Variants in PRSS58 observed in about 807,000 individuals in gnomAD.
The protein encoded by PRSS58 is protease, serine 58.
PRSS58 carries 31 observed loss-of-function variants against 25.0 expected under a neutral mutation model. The observed-to-expected ratio is 1.24, with a 90% CI of 0.93 to 1.67. The LOEUF (loss-of-function observed/expected upper bound fraction) is 1.67, where lower values mean the gene tolerates loss of function less well. Among genes scored for constraint, PRSS58 ranks in the 40% most tolerant of loss-of-function variants. The pLI is 0.00. For synonymous variants in PRSS58, 119 were observed against 106.1 expected, an observed-to-expected ratio of 1.12 and a Z score of -0.75; for missense variants, 324 against 287.9, an observed-to-expected ratio of 1.13 and a Z score of -0.91.
Position 142,256,342 on chromosome 7 carries a change from A to C in PRSS58, c.41-669T>G, listed in dbSNP as rs1376629034. The stretch of plus-strand genomic sequence containing the variant: ...GGTGATTAGTGCTATGGAAAAACAC[A>C]CAAGTAAACTATATATGATGTTAAA... On this transcript the variant is annotated intron_variant, in intron 2 of 5. Coordinates refer to ENST00000547058, the MANE Select transcript of PRSS58 (RefSeq NM_001001317.5). Among the ~76,000 whole-genome samples the C allele has an allele frequency of 2.0e-5, 3 of 152,216 alleles. No individual in the cohort carries two copies. In the East Asian group the frequency reaches 5.8e-4, roughly 29 times the overall value.
chr7:142,254,128 G>T (rs1798514706), intron 4 of PRSS58, among the ~76,000 whole-genome samples: 2 of 152,046 alleles, frequency 1.3e-5, no homozygotes, highest in South Asian at 4.1e-4. Flanking sequence ...AGTGTATGAT[G>T]TATATTATAT....
intron 4 of PRSS58, 61 bp from the exon 5 acceptor site, chr7:142,252,672 TA>T: frequency 6.6e-7 from 1 of 1,525,636 alleles, no homozygotes; most frequent in Non-Finnish European, 8.8e-7. Context: ...AAACTTCTTT[TA>T]AAAAACTTTT....
chr7:142,254,945 G>C, intron 4 of PRSS58, 110 bp downstream of exon 4: 1 of 1,098,424 alleles, frequency 9.1e-7, no homozygotes, highest in South Asian at 1.4e-5. Flanking sequence ...AAAGGAAAGG[G>C]GGGAAAGAGG....
Position 142,256,488 on chromosome 7 carries a change from G to A in PRSS58, c.41-815C>T, listed in dbSNP as rs143035355. On this transcript the variant is annotated intron_variant, in intron 2 of 5. Transcript: ENST00000547058. The stretch of plus-strand genomic sequence containing the variant: ...ATTTGTTTGTTGTTTGTTTGAGACA[G>A]GATCTCACTCTGTTGCTCAGATTGG... 5.9e-3 allele frequency among the ~76,000 whole-genome samples: 900 copies of A among 152,246 alleles called. 5 individuals are homozygous for A. Among genetic ancestry groups the A allele is most frequent in the African/African-American group, 0.021 (857 of 41,550 alleles).
chr7:142,255,093 C>T lies in PRSS58; in HGVS notation c.398G>A (p.Cys133Tyr), dbSNP rs1421673141. 5.0e-6 allele frequency: 8 copies of T among 1,613,800 alleles called. No individual in the cohort carries two copies. The highest frequency in any genetic ancestry group is 6.8e-6 in the Non-Finnish European group (8 of 1,179,892). Reference sequence around the variant, plus strand: ...ATTGTAGCTCCAGGTAGAGACAGAGCACATGGTATTTTCAGAGATAGTTTG... The same window carrying T: ...ATTGTAGCTCCAGGTAGAGACAGAGTACATGGTATTTTCAGAGATAGTTTG... Reference protein sequence around the residue: ...PYQTISENTMCSVSTWSYNVC... With the variant: ...PYQTISENTMYSVSTWSYNVC... Residue 133 changes from cysteine to tyrosine, a missense_variant, in exon 4 of 6, where the codon TGC (cysteine) becomes TAC (tyrosine). Physicochemically the swap from Cys to Tyr is radical, Grantham distance 194 (BLOSUM62 -2). Transcript: ENST00000547058.
Position 142,257,723 on chromosome 7 carries a change from C to T in PRSS58, c.-16G>A. The T allele has an allele frequency of 6.2e-7, 1 of 1,609,958 alleles. No individual in the cohort carries two copies. The highest frequency in any genetic ancestry group is 8.5e-7 in the Non-Finnish European group (1 of 1,176,618). On this transcript the variant is annotated 5_prime_UTR_variant, in exon 2 of 6. Coordinates refer to ENST00000547058, the MANE Select transcript of PRSS58 (RefSeq NM_001001317.5). Reference sequence around the variant, plus strand: ...TAAACTTCATGATGATGTTGAAAGCCCAGTTTAGCTCCAGTCTCTGGAAAA... The same window carrying T: ...TAAACTTCATGATGATGTTGAAAGCTCAGTTTAGCTCCAGTCTCTGGAAAA...
chr7:142,255,354 G>A, intron 3 of PRSS58, 43 bp from the exon 4 acceptor site: 1 of 1,599,596 alleles, frequency 6.3e-7, no homozygotes, highest in Non-Finnish European at 8.5e-7. Context: ...AACAGAGATG[G>A]CTTCTCCATC....
At chr7:142,255,353 G>A in intron 3 of PRSS58, 42 bp from the exon 4 acceptor site, 1 of 1,600,328 alleles carries the variant, frequency 6.2e-7, no homozygotes, top group South Asian at 1.1e-5. Flanking sequence ...TAACAGAGAT[G>A]GCTTCTCCAT....
intron 4 of PRSS58, 99 bp downstream of exon 4, chr7:142,254,956 T>G: frequency 8.3e-7 from 1 of 1,204,058 alleles, no homozygotes; most frequent in Non-Finnish European, 1.2e-6. Flanking sequence ...GGGAAAGAGG[T>G]TAGAAGAAAG....
At chr7:142,252,916 G>A (rs917171062) in intron 4 of PRSS58, among the ~76,000 whole-genome samples, 4 of 152,260 alleles carry the variant, frequency 2.6e-5, no homozygotes, top group African/African-American at 9.6e-5. Flanking sequence ...GCTGGGCACA[G>A]TGGCTCACGC....
At chr7:142,252,718 C>T in intron 4 of PRSS58, 107 bp from the exon 5 acceptor site, 1 of 1,237,042 alleles carries the variant, frequency 8.1e-7, no homozygotes, top group Admixed American at 2.4e-5. Context: ...AGAGATCAAA[C>T]ATTCAGAGAA....
chr7:142,252,173 G>T lies in PRSS58; in HGVS notation c.*48C>A. ...AGTTAATTTATATTTAATTCTAAAG[G>T]TGAACGATGGGGACAAGCTGTGTCA... On this transcript the variant is annotated 3_prime_UTR_variant, in exon 6 of 6. Coordinates refer to ENST00000547058, the MANE Select transcript of PRSS58 (RefSeq NM_001001317.5). The T allele has an allele frequency of 6.5e-7, 1 of 1,548,184 alleles. No homozygotes were observed. Among genetic ancestry groups the T allele is most frequent in the Non-Finnish European group, 8.7e-7 (1 of 1,145,342 alleles).
intron 4 of PRSS58, among the ~76,000 whole-genome samples, chr7:142,253,561 T>C (rs962169136): frequency 1.1e-4 from 16 of 152,196 alleles, no homozygotes; most frequent in African/African-American, 3.4e-4. Context: ...GACATTTCTT[T>C]GGGAAGAAGT....
chr7:142,257,886 A>G, intron 1 of PRSS58, 105 bp downstream of exon 1: 2 of 610,108 alleles, frequency 3.3e-6, no homozygotes, highest in South Asian at 4.2e-5. Context: ...GTGTAGCGTC[A>G]TCTGTCAGAG....
rs1376356962 is a variant in PRSS58 at position 142,256,894 on chromosome 7, T to A, written c.40+774A>T. 7.7e-3 allele frequency among the ~76,000 whole-genome samples: 1,173 copies of A among 152,236 alleles called. 4 individuals carry two copies. The highest frequency in any genetic ancestry group is 0.016 in the Admixed American group (247 of 15,288). On this transcript the variant is annotated intron_variant, in intron 2 of 5. Transcript: ENST00000547058. ...GCAGAGGCAACAGCTGCAGCATGGG[T>A]CCTGAGGCTTGTGTCAGTTACATCA...
Position 142,252,147 on chromosome 7 carries a change from G to T in PRSS58, c.*74C>A. 3 of 1,439,990 alleles carry T rather than the reference G, an allele frequency of 2.1e-6. No individual in the cohort carries two copies. Among genetic ancestry groups the T allele is most frequent in the Non-Finnish European group, 2.8e-6 (3 of 1,060,984 alleles). 89.2% of individuals were successfully genotyped at this position (1,439,990 alleles called of 1,614,324 possible). A position where few individuals can be genotyped will look rare whatever the true frequency, so the allele number is the denominator to read the frequency against. ...ACAGGTATGCATGGGGCAATGTGAG[G>T]AGTTAATTTATATTTAATTCTAAAG... On this transcript the variant is annotated 3_prime_UTR_variant, in exon 6 of 6. Coordinates refer to ENST00000547058, the MANE Select transcript of PRSS58 (RefSeq NM_001001317.5).
chr7:142,255,650 A>T lies in PRSS58; in HGVS notation c.64T>A (p.Tyr22Asn). 1 of 1,612,968 alleles carries T rather than the reference A, an allele frequency of 6.2e-7. No homozygotes were observed. Among genetic ancestry groups the T allele is most frequent in the Non-Finnish European group, 8.5e-7 (1 of 1,179,456 alleles). The part of the protein sequence containing the change: ...LTVALAFNPD[Y>N]TVSSTPPYLV... ...TAAGGGGGAGTGGAGCTGACTGTGT[A>T]ATCTGGATTAAAGGCCAAAGCAACT... is the stretch of plus-strand genomic sequence containing the variant. The change falls in exon 3 of 6, where the codon TAC (tyrosine) becomes AAC (asparagine). Residue 22 changes from tyrosine to asparagine, a missense_variant. Transcript: ENST00000547058.
Position 142,258,022 on chromosome 7 carries a change from C to T in PRSS58, c.-73G>A. The T allele has an allele frequency of 3.2e-6, 1 of 312,800 alleles. No individual in the cohort carries two copies. The highest frequency in any genetic ancestry group is 9.3e-4 in the Middle Eastern group (1 of 1,078). The allele number at this position is 312,800 out of a possible 1,614,324, so 19.4% of individuals were successfully genotyped here. On this transcript the variant is annotated 5_prime_UTR_variant, in exon 1 of 6. Transcript: ENST00000547058. ...TAAGTTGAAGTTCATGATATCTCTA[C>T]AGACGCCTCCTGTCTGGTCTCCTTT...
At position 142,252,470 on chromosome 7, in the gene PRSS58, A is replaced by G. The variant is rs1468213039; in HGVS notation, c.576+2T>C. 1 of 1,613,606 alleles carries G rather than the reference A, an allele frequency of 6.2e-7. No homozygotes were observed. The highest frequency in any genetic ancestry group is 8.5e-7 in the Non-Finnish European group (1 of 1,179,870). On this transcript the variant is annotated splice_donor_variant, in intron 5 of 5. Transcript: ENST00000547058. LOFTEE classifies it high-confidence loss of function. ...AAAATTAATGGATGAAGAGTATTTT[A>G]CCTTGCAGGGCTGCCTCCTTCCTGG... is the stretch of plus-strand genomic sequence containing the variant.
Sources: allele counts gnomAD v4.1 joint callset (sites outside exome capture counted in the v4.1 genomes callset), GRCh38; gene constraint gnomAD v4.1.1; transcripts MANE v1.5; gene names NCBI Gene and HGNC (gene_info 2026-07-23, HGNC 2026-07-21).